DCT: variants seen among roughly 807,000 people sequenced by gnomAD.
The protein encoded by DCT is dopachrome tautomerase, also known as L-dopachrome tautomerase.
Under a neutral mutation model 53.0 loss-of-function variants are expected in DCT, and 47 were observed. The observed-to-expected ratio is 0.89, with a 90% CI of 0.70 to 1.13. DCT has a LOEUF of 1.13. Ranked by LOEUF, DCT falls within the 50% of genes most tolerant of loss-of-function variation. The pLI, the probability that DCT is intolerant of heterozygous loss-of-function variation, is 0.00. For synonymous variants in DCT, 244 were observed against 237.0 expected (o/e 1.03, Z -0.27); for missense variants, 669 against 637.4 (o/e 1.05, Z -0.53).
chr13:94,530,696 A>C, the DCT span, among the ~76,000 whole-genome samples: 36 of 142,946 alleles, frequency 2.5e-4, no homozygotes, highest in Non-Finnish European at 4.0e-4. Context: ...CTGAATGGGC[A>C]AAAACTGGAA....
the DCT span, among the ~76,000 whole-genome samples, chr13:94,518,165 G>A: frequency 6.9e-6 from 1 of 145,144 alleles, no homozygotes; most frequent in East Asian, 2.1e-4. Flanking sequence ...AATGAAGGAA[G>A]GAAGGAAGAA....
intron 7 of DCT, among the ~76,000 whole-genome samples, chr13:94,442,255 C>T (rs1882377869): frequency 6.6e-6 from 1 of 152,098 alleles, no homozygotes; most frequent in South Asian, 2.1e-4. Flanking sequence ...GGTAAATAGG[C>T]TGTGTGATTT....
chr13:94,531,381 C>A, the DCT span, among the ~76,000 whole-genome samples: 1 of 152,276 alleles, frequency 6.6e-6, no homozygotes, highest in South Asian at 2.1e-4. Flanking sequence ...GGCTACCTGA[C>A]TTCAAACTAT....
chr13:94,483,146 C>T (rs2139390661), upstream of DCT, among the ~76,000 whole-genome samples: 2 of 151,192 alleles, frequency 1.3e-5, no homozygotes, highest in Admixed American at 1.3e-4. Context: ...TGGTGACATG[C>T]ACCTGTAGTC....
chr13:94,525,063 ATCT>A, the DCT span, among the ~76,000 whole-genome samples: 2 of 152,022 alleles, frequency 1.3e-5, no homozygotes, highest in Non-Finnish European at 2.9e-5. Flanking sequence ...AGCCCCTGAG[ATCT>A]TCTTAGACTT....
chr13:94,448,949 G>A (rs935254859), intron 6 of DCT, among the ~76,000 whole-genome samples: 1 of 151,840 alleles, frequency 6.6e-6, no homozygotes, highest in African/African-American at 2.4e-5. Context: ...TATCATTGGT[G>A]CCTTTCATCT....
At chr13:94,478,906 G>A in intron 1 of DCT, 55 bp downstream of exon 1, 1 of 1,497,534 alleles carries the variant, frequency 6.7e-7, no homozygotes, top group Non-Finnish European at 9.0e-7. Context: ...TTCCTTAGAA[G>A]GAGCTCTTTC....
chr13:94,508,792 A>G, the DCT span, among the ~76,000 whole-genome samples: 1 of 152,234 alleles, frequency 6.6e-6, no homozygotes, highest in African/African-American at 2.4e-5. Context: ...AGATAGTCCA[A>G]TTACAGGAGA....
chr13:94,488,001 T>G, the DCT span, among the ~76,000 whole-genome samples: 1 of 152,210 alleles, frequency 6.6e-6, no homozygotes, highest in Non-Finnish European at 1.5e-5. Flanking sequence ...AGTTCATCCT[T>G]AAGTCTGTGT....
rs547772098 is a variant in DCT at position 94,447,291 on chromosome 13, C to G, written c.1180-3654G>C. ...TGGTGGATGGGAAGGGAGATGGTTT[C>G]AGGATGAAATTGTTCCACCTTGGAT... On this transcript the variant is annotated intron_variant, in intron 6 of 7. Transcript: ENST00000377028. Among the ~76,000 whole-genome samples, 22 of 152,276 alleles carry G rather than the reference C, an allele frequency of 1.4e-4. 1 individual carries two copies. The East Asian group carries it at 4.2e-3, about 29-fold the overall frequency.
chr13:94,517,978 C>T, the DCT span, among the ~76,000 whole-genome samples: 2 of 151,914 alleles, frequency 1.3e-5, no homozygotes, highest in Admixed American at 6.6e-5. Context: ...CACAGTGGCT[C>T]ACACCTCTAA....
rs745397768 is a variant in DCT at position 94,479,057 on chromosome 13, C to T, written c.199G>A (p.Asp67Asn). 19 of 1,614,104 alleles carry T rather than the reference C, an allele frequency of 1.2e-5. No homozygotes were observed. In the African/African-American group the frequency reaches 1.5e-4, roughly 12 times the overall value. The change falls in exon 1 of 8, where the codon GAC becomes AAC. Residue 67 changes from aspartate (D) to asparagine (N), a missense_variant. Transcript: ENST00000377028. ...GRGQCTEVRA[D>N]TRPWSGPYIL... Reference sequence around the variant, plus strand: ...TAGGGACCACTCCAGGGCCTTGTGTCGGCTCGCACCTCTGTGCACTGCCCC... The same window carrying T: ...TAGGGACCACTCCAGGGCCTTGTGTTGGCTCGCACCTCTGTGCACTGCCCC...
chr13:94,474,409 T>C (rs1251473470), intron 1 of DCT, among the ~76,000 whole-genome samples: 1 of 152,180 alleles, frequency 6.6e-6, no homozygotes, highest in Admixed American at 6.5e-5. Context: ...TAATTAGAGA[T>C]TCTATTATTT....
At chr13:94,487,221 G>A in the DCT span, among the ~76,000 whole-genome samples, 1 of 152,196 alleles carries the variant, frequency 6.6e-6, no homozygotes, top group Admixed American at 6.5e-5. Flanking sequence ...TATAAGGAAT[G>A]TTCTGAAAGC....
At chr13:94,546,434 T>C in the DCT span, among the ~76,000 whole-genome samples, 2 of 152,170 alleles carry the variant, frequency 1.3e-5, no homozygotes, top group Non-Finnish European at 2.9e-5. The surrounding 1 kb of genome is among the most constrained non-coding windows in gnomAD (Gnocchi z 4.2). Flanking sequence ...CTCTTCCCTA[T>C]TGCAATAGTA....
At chr13:94,460,270 A>AAC (rs1364215789) in intron 5 of DCT, 44 bp from the exon 6 acceptor site, 1 of 1,583,278 alleles carries the variant, frequency 6.3e-7, no homozygotes, top group South Asian at 1.1e-5. Flanking sequence ...AAAGACTGAT[A>AAC]AAGGTCTCTT....
At chr13:94,448,988 T>C (rs567894521) in intron 6 of DCT, among the ~76,000 whole-genome samples, 1 of 152,098 alleles carries the variant, frequency 6.6e-6, no homozygotes, top group African/African-American at 2.4e-5. Context: ...TACGTTTTGG[T>C]ATTAGAAACT....
chr13:94,476,170 G>C (rs547928750), intron 1 of DCT, among the ~76,000 whole-genome samples: 14 of 148,612 alleles, frequency 9.4e-5, no homozygotes, highest in South Asian at 8.5e-4. Flanking sequence ...TTTTAGAGCA[G>C]GGGGAGCCTC....
rs144697288 is a variant in DCT, at chr13:94,438,812, T to C, written c.*1086A>G. The stretch of plus-strand genomic sequence containing the variant: ...TTTGTACAGATGGTTTGCTTTCAAA[T>C]GATAAGACTTAATTGATCAGCATTC... On this transcript the variant is annotated 3_prime_UTR_variant, in exon 8 of 8. Coordinates refer to ENST00000377028, the MANE Select transcript of DCT (RefSeq NM_001922.5). 5.8e-6 allele frequency: 2 copies of C among 342,746 alleles called. No homozygotes were observed. The highest frequency in any genetic ancestry group is 8.1e-5 in the East Asian group (1 of 12,368). The allele number at this position is 342,746 out of a possible 1,614,324, so 21.2% of individuals were successfully genotyped here. A position where few individuals can be genotyped will look rare whatever the true frequency, so the allele number is the denominator to read the frequency against.
Sources: gnomAD v4.1 joint callset for allele counts (sites outside exome capture counted in the v4.1 genomes callset) on GRCh38, gnomAD v4.1.1 for gene constraint, Gnocchi (gnomAD v3.1) non-coding constraint, MANE v1.5 for transcripts, NCBI Gene and HGNC (gene_info 2026-07-23, HGNC 2026-07-21) for gene names.